Variants in CSMD1 observed in about 807,000 individuals in gnomAD.
The protein encoded by CSMD1 is CUB and Sushi multiple domains 1.
CSMD1 carries 213 observed loss-of-function variants against 417.5 expected under a neutral mutation model. The observed-to-expected ratio is 0.51, with a 90% CI of 0.46 to 0.57. The LOEUF (loss-of-function observed/expected upper bound fraction) is 0.57, where lower values mean the gene tolerates loss of function less well. CSMD1 is among the 20% of genes least tolerant of loss of function. The probability of loss-of-function intolerance (pLI) is 0.00; values close to 1 mark genes in which losing one functional copy is unlikely to be tolerated. For missense variants in CSMD1, 6,923 were observed against 4,529.7 expected (o/e 1.53, Z -15.17); for synonymous variants, 2,862 against 1,736.8 (o/e 1.65, Z -16.11).
At chr8:4,557,472 C>T (rs974911026) in intron 2 of CSMD1, among the ~76,000 whole-genome samples, 1 of 151,244 alleles carries the variant, frequency 6.6e-6, no homozygotes, top group African/African-American at 2.4e-5. Flanking sequence ...TTTAAAAGCA[C>T]ATTGATTCTA....
intron 10 of CSMD1, among the ~76,000 whole-genome samples, chr8:3,539,305 C>T (rs1798341148): frequency 6.6e-6 from 1 of 152,168 alleles, no homozygotes; most frequent in Non-Finnish European, 1.5e-5. Flanking sequence ...TGCCTACCTC[C>T]CACCCCCAAG....
intron 3 of CSMD1, among the ~76,000 whole-genome samples, chr8:4,125,639 C>T (rs1347123574): frequency 6.6e-6 from 1 of 152,192 alleles, no homozygotes; most frequent in Non-Finnish European, 1.5e-5. Context: ...GAAATCAGAC[C>T]TAACCAACTC....
At chr8:3,543,214 C>T (rs769023533) in intron 10 of CSMD1, among the ~76,000 whole-genome samples, 1 of 152,138 alleles carries the variant, frequency 6.6e-6, no homozygotes, top group Non-Finnish European at 1.5e-5. Flanking sequence ...GTCTTAGCAG[C>T]AAGGGAGGTG....
chr8:3,785,154 G>A (rs1049433304), intron 5 of CSMD1, among the ~76,000 whole-genome samples: 3 of 152,122 alleles, frequency 2.0e-5, no homozygotes, highest in Non-Finnish European at 2.9e-5. Flanking sequence ...AACTTCTCTT[G>A]GCCTTAGTGC....
chr8:4,471,431 C>T (rs1447829570), intron 2 of CSMD1, among the ~76,000 whole-genome samples: 2 of 152,046 alleles, frequency 1.3e-5, no homozygotes, highest in East Asian at 1.9e-4. Context: ...AAGTGCAGCA[C>T]GTAGCTGTCA....
At chr8:3,702,930 G>C (rs1800950564) in intron 7 of CSMD1, among the ~76,000 whole-genome samples, 1 of 152,202 alleles carries the variant, frequency 6.6e-6, no homozygotes, top group Non-Finnish European at 1.5e-5. Flanking sequence ...GGGTGAGAAA[G>C]AAAATGGGGG....
intron 3 of CSMD1, among the ~76,000 whole-genome samples, chr8:4,354,767 C>T (rs1032857495): frequency 1.1e-4 from 17 of 151,738 alleles, no homozygotes; most frequent in Non-Finnish European, 2.4e-4. Flanking sequence ...TTATAGATTT[C>T]CCCCCTCCCA....
intron 3 of CSMD1, among the ~76,000 whole-genome samples, chr8:4,183,764 G>A (rs545193853): frequency 5.3e-5 from 8 of 152,218 alleles, no homozygotes; most frequent in East Asian, 1.9e-4. Flanking sequence ...TGAGTATTTC[G>A]TTGATGAAAG....
At chr8:4,365,206 A>G (rs10089807) in intron 3 of CSMD1, among the ~76,000 whole-genome samples, 106,896 of 151,974 alleles carry the variant, frequency 0.7, 38,665 homozygotes, top group African/African-American at 0.89. Context: ...CACCTTGTCT[A>G]TATATAAAAA....
chr8:4,867,544 T>C (rs937470242), intron 1 of CSMD1, among the ~76,000 whole-genome samples: 13 of 152,054 alleles, frequency 8.5e-5, no homozygotes, highest in Admixed American at 7.9e-4. Context: ...AGTAAGCAAA[T>C]TGCAAGGGAT....
At chr8:4,131,166 TGA>T (rs1346935277) in intron 3 of CSMD1, among the ~76,000 whole-genome samples, 1 of 152,164 alleles carries the variant, frequency 6.6e-6, no homozygotes, top group Admixed American at 6.5e-5. Flanking sequence ...GACAAAAGAC[TGA>T]GAGTAGTACA....
intron 6 of CSMD1, among the ~76,000 whole-genome samples, chr8:3,725,821 G>A (rs1044527915): frequency 6.6e-6 from 1 of 152,154 alleles, no homozygotes; most frequent in South Asian, 2.1e-4. Flanking sequence ...CTGTGACTCA[G>A]TATCTCAACC....
chr8:3,601,293 T>C (rs1801349471), intron 8 of CSMD1, among the ~76,000 whole-genome samples: 1 of 152,210 alleles, frequency 6.6e-6, no homozygotes, highest in Non-Finnish European at 1.5e-5. Flanking sequence ...GGGAAACAAA[T>C]CAGCTGTCCT....
chr8:3,316,101 G>C (rs1805737064), intron 23 of CSMD1, among the ~76,000 whole-genome samples: 1 of 152,118 alleles, frequency 6.6e-6, no homozygotes, highest in South Asian at 2.1e-4. Context: ...GCAAGACCAG[G>C]ATCAGGCACC....
At position 4,510,390 on chromosome 8, in the gene CSMD1, T is replaced by TAAAAAAA. The variant is rs34791623; in HGVS notation, c.303-90332_303-90326dup. ...GTAGACAATTAAAAAGCATAATGCC[T>TAAAAAAA]AAAAAAAAAAAAAAAAAAAAAAAAA... On this transcript the variant is annotated intron_variant, in intron 2 of 69. Transcript: ENST00000635120. Among the ~76,000 whole-genome samples the TAAAAAAA allele has an allele frequency of 2.8e-3, 151 of 54,618 alleles. 10 individuals are homozygous for TAAAAAAA. The highest frequency in any genetic ancestry group is 6.2e-3 in the East Asian group (10 of 1,622). The allele number at this position is 54,618 out of a possible 152,430, so 35.8% of individuals were successfully genotyped here. A position where few individuals can be genotyped will look rare whatever the true frequency, so the allele number is the denominator to read the frequency against.
chr8:4,566,586 G>C (rs1441526043), intron 2 of CSMD1, among the ~76,000 whole-genome samples: 2 of 149,816 alleles, frequency 1.3e-5, no homozygotes, highest in Non-Finnish European at 1.5e-5. Flanking sequence ...CCAGGAGGTG[G>C]AGCTTGCAGT....
At chr8:4,325,746 G>C (rs1363132318) in intron 3 of CSMD1, among the ~76,000 whole-genome samples, 1 of 152,120 alleles carries the variant, frequency 6.6e-6, no homozygotes, top group African/African-American at 2.4e-5. Context: ...AGGCGTGAAT[G>C]TTATTCCTGT....
intron 1 of CSMD1, among the ~76,000 whole-genome samples, chr8:4,831,177 C>A (rs762815723): frequency 5.9e-5 from 9 of 152,168 alleles, no homozygotes; most frequent in Non-Finnish European, 1.2e-4. Context: ...AATCTAGAAT[C>A]TGAAAAATGC....
intron 47 of CSMD1, among the ~76,000 whole-genome samples, chr8:3,091,951 G>A (rs1357294402): frequency 6.6e-6 from 1 of 152,054 alleles, no homozygotes; most frequent in Non-Finnish European, 1.5e-5. Context: ...AAAGTAATAT[G>A]TATTGTTGTT....
Sources: allele counts gnomAD v4.1 joint callset (sites outside exome capture counted in the v4.1 genomes callset), GRCh38; gene constraint gnomAD v4.1.1; transcripts MANE v1.5; gene names NCBI Gene and HGNC (gene_info 2026-07-23, HGNC 2026-07-21).